PRKN: variants seen among roughly 807,000 people sequenced by gnomAD.
PRKN encodes the protein parkin RBR E3 ubiquitin protein ligase.
In PRKN, 56 loss-of-function variants were observed where a neutral mutation model predicts 59.5. The ratio of observed to expected loss-of-function variants is 0.94; its 90% CI spans 0.76 to 1.18. PRKN has a LOEUF of 1.18. Ranked by LOEUF, PRKN falls within the 50% of genes most tolerant of loss-of-function variation. PRKN has a pLI of 0.00. For synonymous variants in PRKN, 250 were observed against 222.1 expected, an observed-to-expected ratio of 1.13 and a Z score of -1.12; for missense variants, 657 against 596.4, an observed-to-expected ratio of 1.10 and a Z score of -1.06.
Position 161,591,610 on chromosome 6 carries a change from T to C in PRKN, c.872-22194A>G, listed in dbSNP as rs143357838. Among the ~76,000 whole-genome samples, 286 of 152,320 alleles carry C rather than the reference T, an allele frequency of 1.9e-3. 3 individuals are homozygous for C. The highest frequency in any genetic ancestry group is 0.014 in the Middle Eastern group (4 of 294). On this transcript the variant is annotated intron_variant, in intron 7 of 11. Coordinates refer to ENST00000366898, the MANE Select transcript of PRKN (RefSeq NM_004562.3). ...ACAGACAATCTGGACCATAATCAAG[T>C]CAGTGCAGTCTAAAGCAATGTTTCA...
intron 4 of PRKN, among the ~76,000 whole-genome samples, chr6:162,058,457 T>C (rs991596554): frequency 3.3e-5 from 5 of 152,212 alleles, no homozygotes; most frequent in African/African-American, 9.6e-5. Flanking sequence ...CTGGCTCTCA[T>C]ACTGTGGCTG....
intron 5 of PRKN, among the ~76,000 whole-genome samples, chr6:162,018,049 C>T (rs1329027167): frequency 3.9e-5 from 6 of 152,082 alleles, no homozygotes; most frequent in Non-Finnish European, 5.9e-5. Context: ...TTTTTTGAGA[C>T]GGAGTCTTGC....
chr6:161,849,865 T>C (rs1384797297), intron 6 of PRKN, among the ~76,000 whole-genome samples: 1 of 152,176 alleles, frequency 6.6e-6, no homozygotes, highest in Non-Finnish European at 1.5e-5. Context: ...CCTCTGTCAA[T>C]TGTCCCAGCA....
At position 161,446,385 on chromosome 6, in the gene PRKN, T is replaced by C. The variant is rs919708934; in HGVS notation, c.1084-59508A>G. On this transcript the variant is annotated intron_variant, in intron 9 of 11. Coordinates refer to ENST00000366898, the MANE Select transcript of PRKN (RefSeq NM_004562.3). This position sits in a 1 kb window ranked among gnomAD's most constrained non-coding sequence, Gnocchi z 6.2. ...GGAACTGGGAGATGCCAGCAGACAC[T>C]GAGACCCAAAGGGGCCTGGCTTGGG... Among the ~76,000 whole-genome samples the C allele has an allele frequency of 6.6e-6, 1 of 152,006 alleles. No homozygotes were observed. The highest frequency in any genetic ancestry group is 6.6e-5 in the Admixed American group (1 of 15,264).
chr6:162,614,360 C>T (rs1283523787), intron 1 of PRKN, among the ~76,000 whole-genome samples: 2 of 152,066 alleles, frequency 1.3e-5, no homozygotes. Flanking sequence ...CAAAGGGCCA[C>T]ATTGTCTGCT....
At chr6:162,639,783 T>C (rs2846560) in intron 1 of PRKN, among the ~76,000 whole-genome samples, 80,949 of 151,850 alleles carry the variant, frequency 0.53, 22,375 homozygotes, top group African/African-American at 0.64. Context: ...CCTCATTAGG[T>C]TTGGTCTAAT....
At position 161,376,176 on chromosome 6, in the gene PRKN, C is replaced by T. The variant is rs1365540969; in HGVS notation, c.1167+10618G>A. Among the ~76,000 whole-genome samples the T allele has an allele frequency of 6.6e-6, 1 of 152,114 alleles. No homozygotes were observed. Among genetic ancestry groups the T allele is most frequent in the Non-Finnish European group, 1.5e-5 (1 of 68,024 alleles). On this transcript the variant is annotated intron_variant, in intron 10 of 11. Transcript: ENST00000366898. This position sits in a 1 kb window ranked among gnomAD's most constrained non-coding sequence, Gnocchi z 7.3. ...CACTGAGGGAGGTGCACCTCCTAGC[C>T]TCTCCTGGACTGTAACTCTGAAGGG...
chr6:162,580,029 C>A (rs1780727292), intron 1 of PRKN, among the ~76,000 whole-genome samples: 1 of 152,178 alleles, frequency 6.6e-6, no homozygotes, highest in Non-Finnish European at 1.5e-5. Context: ...TATAATACAA[C>A]TCCTTTTAAG....
rs1334079991 is a variant in PRKN at position 161,488,659 on chromosome 6, A to G, written c.1083+60195T>C. On this transcript the variant is annotated intron_variant, in intron 9 of 11. Coordinates refer to ENST00000366898, the MANE Select transcript of PRKN (RefSeq NM_004562.3). The surrounding 1 kb of genome is among the most constrained non-coding windows in gnomAD (Gnocchi z 4.5). ...CACCACCACACCTGGCTAATTTTTA[A>G]AATTTTTTGTAGAGGTGGGGTCTCA... 6.6e-6 allele frequency among the ~76,000 whole-genome samples: 1 copy of G among 151,908 alleles called. No homozygotes were observed. Among genetic ancestry groups the G allele is most frequent in the African/African-American group, 2.4e-5 (1 of 41,342 alleles).
intron 7 of PRKN, among the ~76,000 whole-genome samples, chr6:161,599,836 C>A (rs537646423): frequency 6.6e-6 from 1 of 152,130 alleles, no homozygotes; most frequent in Non-Finnish European, 1.5e-5. Context: ...ATTGGGCTTT[C>A]GTTTATTTTT....
intron 1 of PRKN, among the ~76,000 whole-genome samples, chr6:162,712,258 G>C (rs1272287895): frequency 6.6e-6 from 1 of 152,002 alleles, no homozygotes; most frequent in Non-Finnish European, 1.5e-5. Flanking sequence ...TCTTTTACCT[G>C]GGCCATTTCT....
At chr6:161,852,197 A>G (rs977117215) in intron 6 of PRKN, among the ~76,000 whole-genome samples, 18 of 151,840 alleles carry the variant, frequency 1.2e-4, no homozygotes, top group South Asian at 4.2e-4. Flanking sequence ...ATAAAACACA[A>G]TCACATGGGA....
At chr6:161,823,907 G>A (rs1443396606) in intron 6 of PRKN, among the ~76,000 whole-genome samples, 1 of 152,190 alleles carries the variant, frequency 6.6e-6, no homozygotes, top group Admixed American at 6.5e-5. Flanking sequence ...TGTTGCTTAG[G>A]ACAGGTGCCC....
At chr6:162,721,337 G>A (rs879222883) in intron 1 of PRKN, among the ~76,000 whole-genome samples, 2 of 152,112 alleles carry the variant, frequency 1.3e-5, no homozygotes, top group Admixed American at 6.5e-5. Context: ...TTTCTACAAC[G>A]TTCTATTTCA....
intron 6 of PRKN, among the ~76,000 whole-genome samples, chr6:161,897,966 C>CAAAA (rs55714271): frequency 0.45 from 17,215 of 38,178 alleles, 4,873 homozygotes; most frequent in East Asian, 0.64. Context: ...GACTCCGTCT[C>CAAAA]AAAAAAAAAA....
At chr6:161,896,504 A>G (rs938417508) in intron 6 of PRKN, among the ~76,000 whole-genome samples, 2 of 152,232 alleles carry the variant, frequency 1.3e-5, no homozygotes, top group African/African-American at 2.4e-5. Flanking sequence ...AGCACCACCA[A>G]GCAACCTCAG....
At chr6:162,014,008 G>T (rs373351339) in intron 5 of PRKN, among the ~76,000 whole-genome samples, 1 of 151,930 alleles carries the variant, frequency 6.6e-6, no homozygotes, top group Non-Finnish European at 1.5e-5. Flanking sequence ...GGTTCCAAAG[G>T]TCAAAGCTAT....
Position 161,529,662 on chromosome 6 carries a change from G to T in PRKN, c.1083+19192C>A, listed in dbSNP as rs1361936957. Among the ~76,000 whole-genome samples the T allele has an allele frequency of 6.6e-6, 1 of 152,176 alleles. No individual in the cohort carries two copies. Among genetic ancestry groups the T allele is most frequent in the African/African-American group, 2.4e-5 (1 of 41,448 alleles). On this transcript the variant is annotated intron_variant, in intron 9 of 11. Coordinates refer to ENST00000366898, the MANE Select transcript of PRKN (RefSeq NM_004562.3). The surrounding 1 kb of genome is among the most constrained non-coding windows in gnomAD (Gnocchi z 4.4). Reference sequence around the variant, plus strand: ...CAGTTTAAGTGAGGCTGTTTTGGAAGAAGCTGTCCTACATATAAGTTGTCT... The same window carrying T: ...CAGTTTAAGTGAGGCTGTTTTGGAATAAGCTGTCCTACATATAAGTTGTCT...
intron 1 of PRKN, among the ~76,000 whole-genome samples, chr6:162,586,513 G>C (rs1440880835): frequency 6.6e-6 from 1 of 152,136 alleles, no homozygotes; most frequent in African/African-American, 2.4e-5. Context: ...GTTCTGGTTG[G>C]TGAGTAAGTG....
Sources: gnomAD v4.1 joint callset for allele counts (sites outside exome capture counted in the v4.1 genomes callset) on GRCh38, gnomAD v4.1.1 for gene constraint, Gnocchi (gnomAD v3.1) non-coding constraint, MANE v1.5 for transcripts, NCBI Gene and HGNC (gene_info 2026-07-23, HGNC 2026-07-21) for gene names.